TTC7B: variants seen among roughly 807,000 people sequenced by gnomAD.
The protein encoded by TTC7B is tetratricopeptide repeat protein 7B.
A neutral mutation model predicts 106.8 loss-of-function variants in TTC7B; 28 were observed. The ratio of observed to expected loss-of-function variants is 0.26; its 90% confidence interval spans 0.19 to 0.36. TTC7B has a LOEUF of 0.36. TTC7B is among the 10% of genes least tolerant of loss of function. The pLI, the probability that TTC7B is intolerant of heterozygous loss-of-function variation, is 1.00. For synonymous variants in TTC7B, 405 were observed against 430.6 expected, an observed-to-expected ratio of 0.94 and a Z score of 0.74; for missense variants, 862 against 1,076.4, an observed-to-expected ratio of 0.80 and a Z score of 2.79.
intron 19 of TTC7B, among the ~76,000 whole-genome samples, chr14:90,552,191 G>A (rs528591312): frequency 3.1e-4 from 47 of 152,290 alleles, no homozygotes; most frequent in African/African-American, 1.1e-3. Flanking sequence ...ACCTCTGCCC[G>A]TCAGAGCTCC....
At chr14:90,659,215 G>A (rs1241071597) in intron 9 of TTC7B, among the ~76,000 whole-genome samples, 2 of 137,446 alleles carry the variant, frequency 1.5e-5, no homozygotes, top group Non-Finnish European at 3.4e-5. Flanking sequence ...GAGTGTGATT[G>A]TGTGTGTGTG....
At chr14:90,798,946 A>G (rs2030067694) in intron 1 of TTC7B, among the ~76,000 whole-genome samples, 1 of 152,078 alleles carries the variant, frequency 6.6e-6, no homozygotes, top group Non-Finnish European at 1.5e-5. Context: ...GATAATTTAA[A>G]AAGAAGAAAG....
intron 13 of TTC7B, among the ~76,000 whole-genome samples, chr14:90,649,975 GA>G (rs1885645735): frequency 6.6e-6 from 1 of 152,050 alleles, no homozygotes; most frequent in Non-Finnish European, 1.5e-5. Flanking sequence ...AGTGCCCAGA[GA>G]TAGGCATGCT....
chr14:90,649,475 G>A (rs1458693483), intron 13 of TTC7B, among the ~76,000 whole-genome samples: 1 of 152,156 alleles, frequency 6.6e-6, no homozygotes, highest in Admixed American at 6.5e-5. Flanking sequence ...ATGAGAGAGA[G>A]GACATTAGTG....
intron 18 of TTC7B, among the ~76,000 whole-genome samples, chr14:90,580,557 G>A (rs561305617): frequency 6.6e-6 from 1 of 152,274 alleles, no homozygotes; most frequent in South Asian, 2.1e-4. Context: ...TTGGCACACT[G>A]CCCTTATCTG....
intron 5 of TTC7B, among the ~76,000 whole-genome samples, chr14:90,713,864 T>G (rs777909816): frequency 3.3e-5 from 5 of 152,058 alleles, no homozygotes; most frequent in Non-Finnish European, 2.9e-5. Flanking sequence ...AGCTCCACAA[T>G]AAAAAGGAAT....
intron 16 of TTC7B, among the ~76,000 whole-genome samples, chr14:90,617,121 G>A (rs1893115884): frequency 6.6e-6 from 1 of 152,116 alleles, no homozygotes; most frequent in Admixed American, 6.5e-5. Flanking sequence ...GACTCTAAAG[G>A]GCAGGCACCG....
intron 18 of TTC7B, among the ~76,000 whole-genome samples, chr14:90,586,845 A>T (rs916023008): frequency 2.6e-4 from 39 of 152,044 alleles, no homozygotes; most frequent in African/African-American, 8.7e-4. Flanking sequence ...ACTCCAACTC[A>T]TCAGTTCTTC....
intron 9 of TTC7B, among the ~76,000 whole-genome samples, chr14:90,662,560 C>A (rs1432985079): frequency 6.6e-6 from 1 of 152,204 alleles, no homozygotes; most frequent in African/African-American, 2.4e-5. Context: ...ATAGGGAATA[C>A]ACAACCTGAA....
At chr14:90,670,841 C>G (rs915511330) in intron 9 of TTC7B, among the ~76,000 whole-genome samples, 5 of 152,096 alleles carry the variant, frequency 3.3e-5, no homozygotes, top group Admixed American at 3.3e-4. Flanking sequence ...CAAGCCAGGC[C>G]CATCCCTTAC....
intron 15 of TTC7B, among the ~76,000 whole-genome samples, chr14:90,640,000 C>T (rs928913017): frequency 4.6e-5 from 7 of 152,094 alleles, no homozygotes; most frequent in South Asian, 4.1e-4. Flanking sequence ...GAGTACACGC[C>T]GGGTGCGGTA....
Position 90,531,129 on chromosome 14 carries a change from A to T in TTC7B, c.*10239T>A, listed in dbSNP as rs183042889. On this transcript the variant is annotated 3_prime_UTR_variant, in exon 20 of 20. Transcript: ENST00000328459. ...AGATTAAAATATATTGTTATAACTT[A>T]AAAAAGAAAGAAAAAATTGTATGCT... 39 of 152,330 alleles carry T rather than the reference A, an allele frequency of 2.6e-4. No homozygotes were observed. Among genetic ancestry groups the T allele is most frequent in the Admixed American group, 6.5e-4 (10 of 15,302 alleles). The allele number at this position is 152,330 out of a possible 1,614,324, so 9.4% of individuals were successfully genotyped here. A position where few individuals can be genotyped will look rare whatever the true frequency, so the allele number is the denominator to read the frequency against.
Position 90,730,057 on chromosome 14 carries a change from AAAAT to A in TTC7B, c.698+14_698+17del. 1 of 1,591,722 alleles carries A rather than the reference AAAAT, an allele frequency of 6.3e-7. No individual in the cohort carries two copies. Among genetic ancestry groups the A allele is most frequent in the Non-Finnish European group, 8.5e-7 (1 of 1,173,576 alleles). ...TCCTTCTTTAGGAAGTGGATTTAAAAAAATGAAGATGGCTTACCCATTTTTGAAA... is the reference window on the plus strand; with the variant it reads ...TCCTTCTTTAGGAAGTGGATTTAAAAGAAGATGGCTTACCCATTTTTGAAA... On this transcript the variant is annotated intron_variant, in intron 5 of 19. Coordinates refer to ENST00000328459, the MANE Select transcript of TTC7B (RefSeq NM_001010854.2).
intron 3 of TTC7B, among the ~76,000 whole-genome samples, chr14:90,745,807 A>G (rs963440962): frequency 6.6e-6 from 1 of 150,794 alleles, no homozygotes; most frequent in African/African-American, 2.4e-5. Flanking sequence ...TGAGTTCAAG[A>G]GATTCTTCTG....
At chr14:90,611,292 C>T (rs944048546) in intron 16 of TTC7B, among the ~76,000 whole-genome samples, 4 of 152,144 alleles carry the variant, frequency 2.6e-5, no homozygotes, top group African/African-American at 9.7e-5. Context: ...AAAAATCACC[C>T]AGGACATCTC....
chr14:90,619,178 C>T (rs911124323), intron 15 of TTC7B, among the ~76,000 whole-genome samples: 11 of 152,304 alleles, frequency 7.2e-5, no homozygotes, highest in East Asian at 3.9e-4. Context: ...CATGAGCCAC[C>T]GCTCCCAGCC....
At position 90,703,236 on chromosome 14, in the gene TTC7B, A is replaced by C. The variant is rs771925152; in HGVS notation, c.699-7658T>G. ...CAATATTCGTTTTTAATAGTCCAGA[A>C]AAGTGCAGAAAAAAGACAATCTGGA... On this transcript the variant is annotated intron_variant, in intron 5 of 19. Transcript: ENST00000328459. Among the ~76,000 whole-genome samples, 49 of 152,318 alleles carry C rather than the reference A, an allele frequency of 3.2e-4. 1 individual carries two copies. The highest frequency in any genetic ancestry group is 2.4e-3 in the Admixed American group (37 of 15,304).
intron 19 of TTC7B, among the ~76,000 whole-genome samples, chr14:90,555,412 G>T (rs1263799924): frequency 6.6e-6 from 1 of 152,236 alleles, no homozygotes; most frequent in African/African-American, 2.4e-5. Context: ...TAGGGAAGGG[G>T]GGGGTGTTTG....
chr14:90,562,156 C>A (rs1165780494), intron 19 of TTC7B, among the ~76,000 whole-genome samples: 1 of 152,166 alleles, frequency 6.6e-6, no homozygotes, highest in African/African-American at 2.4e-5. Context: ...GAAGAGGCAA[C>A]CTTTCCAGGA....
Sources: gnomAD v4.1 joint callset for allele counts (sites outside exome capture counted in the v4.1 genomes callset) on GRCh38, gnomAD v4.1.1 for gene constraint, MANE v1.5 for transcripts, NCBI Gene and HGNC (gene_info 2026-07-23, HGNC 2026-07-21) for gene names.